The following ADARB2 variants were observed in gnomAD, a reference collection of about 807,000 sequenced individuals.
The protein encoded by ADARB2 is adenosine deaminase RNA specific B2 (inactive).
Under a neutral mutation model 62.2 loss-of-function variants are expected in ADARB2, and 25 were observed. The observed-to-expected ratio is 0.40, with a 90% CI of 0.29 to 0.56. ADARB2 has a LOEUF of 0.56. Ranked by LOEUF, ADARB2 falls within the 20% of genes least tolerant of loss-of-function variation. The pLI is 0.43. For synonymous variants in ADARB2, 572 were observed against 500.8 expected, an observed-to-expected ratio of 1.14 and a Z score of -1.90; for missense variants, 1,071 against 1,077.4, an observed-to-expected ratio of 0.99 and a Z score of 0.08.
intron 1 of ADARB2, among the ~76,000 whole-genome samples, chr10:1,736,023 C>A (rs1344133322): frequency 1.3e-5 from 2 of 152,224 alleles, no homozygotes; most frequent in Non-Finnish European, 2.9e-5. Flanking sequence ...TTTCAAACAA[C>A]TGGCAAAGCT....
chr10:1,598,709 C>T (rs1318829307), intron 1 of ADARB2, among the ~76,000 whole-genome samples: 5 of 152,176 alleles, frequency 3.3e-5, no homozygotes, highest in African/African-American at 4.8e-5. Context: ...GGAGAGCTGG[C>T]GTGGGGACAC....
intron 1 of ADARB2, among the ~76,000 whole-genome samples, chr10:1,592,765 A>T (rs79576048): frequency 1.0e-4 from 7 of 68,858 alleles, no homozygotes; most frequent in South Asian, 1.2e-3. Flanking sequence ...AGATTCACTC[A>T]CCCAAGCCAC....
chr10:1,573,522 A>C lies in ADARB2; in HGVS notation c.100+163529T>G, dbSNP rs539329755. Among the ~76,000 whole-genome samples the C allele has an allele frequency of 1.4e-4, 22 of 152,300 alleles. No homozygotes were observed. In the East Asian group the frequency reaches 2.3e-3, roughly 16 times the overall value. ...CCTCCAACACCCCACCCTCACTCTCATTCCGTCCCCTGATGTCCATTTCTT... is the reference window on the plus strand; with the variant it reads ...CCTCCAACACCCCACCCTCACTCTCCTTCCGTCCCCTGATGTCCATTTCTT... On this transcript the variant is annotated intron_variant, in intron 1 of 9. Coordinates refer to ENST00000381312, the MANE Select transcript of ADARB2 (RefSeq NM_018702.4).
At chr10:1,506,837 C>T (rs560811327) in intron 1 of ADARB2, among the ~76,000 whole-genome samples, 20 of 152,322 alleles carry the variant, frequency 1.3e-4, no homozygotes, top group South Asian at 4.1e-4. Context: ...GGGTGGGGCC[C>T]GGTGATGGGA....
chr10:1,610,910 TCACA>T (rs933657403), intron 1 of ADARB2, among the ~76,000 whole-genome samples: 17 of 151,452 alleles, frequency 1.1e-4, no homozygotes, highest in Non-Finnish European at 2.9e-5. Context: ...ACACACAGAC[TCACA>T]CACACACATG....
intron 2 of ADARB2, among the ~76,000 whole-genome samples, chr10:1,368,201 G>A (rs916732758): frequency 1.3e-5 from 2 of 148,658 alleles, no homozygotes; most frequent in African/African-American, 4.9e-5. Flanking sequence ...CCCTGGGCAA[G>A]TCACTCAGTC....
At chr10:1,671,243 C>A (rs757608707) in intron 1 of ADARB2, among the ~76,000 whole-genome samples, 1 of 152,164 alleles carries the variant, frequency 6.6e-6, no homozygotes, top group Admixed American at 6.5e-5. Context: ...CCGCCTTGGG[C>A]CCCCAGAGGT....
At chr10:1,627,065 C>T (rs1261568104) in intron 1 of ADARB2, among the ~76,000 whole-genome samples, 1 of 152,034 alleles carries the variant, frequency 6.6e-6, no homozygotes, top group Non-Finnish European at 1.5e-5. Flanking sequence ...CTGGCCTGGA[C>T]GCCTCTCCCT....
At chr10:1,456,963 T>G (rs1226579328) in intron 1 of ADARB2, among the ~76,000 whole-genome samples, 1 of 151,994 alleles carries the variant, frequency 6.6e-6, no homozygotes, top group Non-Finnish European at 1.5e-5. Flanking sequence ...CCTGGCTAAT[T>G]TTTTGTATTT....
At chr10:1,506,055 T>A (rs1202785494) in intron 1 of ADARB2, among the ~76,000 whole-genome samples, 2 of 152,076 alleles carry the variant, frequency 1.3e-5, no homozygotes, top group Non-Finnish European at 2.9e-5. Flanking sequence ...GATAATCTAT[T>A]ATCAGATTTT....
intron 1 of ADARB2, among the ~76,000 whole-genome samples, chr10:1,562,282 C>A (rs1161485558): frequency 1.3e-5 from 2 of 152,184 alleles, no homozygotes; most frequent in Admixed American, 6.5e-5. Context: ...CATGTCCCTC[C>A]CAGCCCTCAT....
chr10:1,450,733 C>G (rs1217297506), intron 1 of ADARB2, among the ~76,000 whole-genome samples: 2 of 152,178 alleles, frequency 1.3e-5, no homozygotes, highest in Admixed American at 6.5e-5. Context: ...TGAGGGGAGA[C>G]AGAAGCCCCT....
intron 8 of ADARB2, among the ~76,000 whole-genome samples, chr10:1,194,482 GTCATCTATCTA>G (rs1211825241): frequency 6.6e-6 from 1 of 152,026 alleles, no homozygotes; most frequent in Non-Finnish European, 1.5e-5. Flanking sequence ...ATCTCTATCT[GTCATCTATCTA>G]TCATCTATCA....
intron 1 of ADARB2, among the ~76,000 whole-genome samples, chr10:1,707,051 G>C (rs1053409080): frequency 9.2e-5 from 14 of 152,222 alleles, no homozygotes. Context: ...CACAGAAAAA[G>C]TTTAGGATTT....
chr10:1,393,438 C>T (rs1832587017), intron 1 of ADARB2, among the ~76,000 whole-genome samples: 1 of 152,196 alleles, frequency 6.6e-6, no homozygotes, highest in Non-Finnish European at 1.5e-5. Context: ...GTTGTGCTAT[C>T]AAAAACTAGG....
chr10:1,488,973 C>T (rs550106804), intron 1 of ADARB2, among the ~76,000 whole-genome samples: 1 of 152,342 alleles, frequency 6.6e-6, no homozygotes, highest in South Asian at 2.1e-4. Flanking sequence ...GGAAGGCATC[C>T]TCCACTAAGG....
chr10:1,396,771 T>C (rs2820594), intron 1 of ADARB2, among the ~76,000 whole-genome samples: 8,841 of 15,904 alleles, frequency 0.56, 3,458 homozygotes, highest in Middle Eastern at 0.93. Context: ...CCTGGGTCAC[T>C]GTCCTCCTCT....
chr10:1,609,920 C>A (rs1276726645), intron 1 of ADARB2, among the ~76,000 whole-genome samples: 2 of 152,236 alleles, frequency 1.3e-5, no homozygotes, highest in African/African-American at 4.8e-5. Context: ...CGTCTGCCCT[C>A]TTCATTAGGA....
intron 1 of ADARB2, among the ~76,000 whole-genome samples, chr10:1,672,622 G>C (rs1834402790): frequency 3.1e-5 from 2 of 64,890 alleles, no homozygotes; most frequent in South Asian, 6.0e-4. Flanking sequence ...TCCCTCCATG[G>C]ACACACTTTC....
Sources: gnomAD v4.1 joint callset for allele counts (sites outside exome capture counted in the v4.1 genomes callset) on GRCh38, gnomAD v4.1.1 for gene constraint, MANE v1.5 for transcripts, NCBI Gene and HGNC (gene_info 2026-07-23, HGNC 2026-07-21) for gene names.